The following PTPN14 variants were observed in gnomAD, a reference collection of about 807,000 sequenced individuals.
PTPN14 encodes the protein tyrosine-protein phosphatase non-receptor type 14.
Under a neutral mutation model 126.8 loss-of-function variants are expected in PTPN14, and 53 were observed. That is an observed-to-expected ratio of 0.42 (90% CI 0.34 to 0.53). PTPN14 has a LOEUF of 0.53. Ranked by LOEUF, PTPN14 falls within the 20% of genes least tolerant of loss-of-function variation. The pLI is 0.08. For missense variants in PTPN14, 1,257 were observed against 1,552.9 expected (o/e 0.81, Z 3.20); for synonymous variants, 630 against 599.3 (o/e 1.05, Z -0.75).
At chr1:214,394,561 C>A (rs543117121) in intron 9 of PTPN14, among the ~76,000 whole-genome samples, 1 of 152,136 alleles carries the variant, frequency 6.6e-6, no homozygotes, top group Middle Eastern at 3.2e-3. Flanking sequence ...GTGCCCACCA[C>A]CATGCTTGGG....
intron 3 of PTPN14, among the ~76,000 whole-genome samples, chr1:214,442,375 G>T (rs1660053663): frequency 6.6e-6 from 1 of 152,162 alleles, no homozygotes. Flanking sequence ...TATAGATTTT[G>T]AATTTTTGAA....
At chr1:214,527,058 T>A (rs554585824) in intron 1 of PTPN14, among the ~76,000 whole-genome samples, 74 of 149,944 alleles carry the variant, frequency 4.9e-4, no homozygotes, top group Non-Finnish European at 9.0e-4. Context: ...GTCATTGCAC[T>A]CCAGCCTGGG....
chr1:214,398,087 A>T, intron 7 of PTPN14, 86 bp from the exon 8 acceptor site: 1 of 1,075,168 alleles, frequency 9.3e-7, no homozygotes, highest in Admixed American at 1.8e-5. Context: ...AATCGACCTG[A>T]GTGTCCATCC....
chr1:214,395,094 T>C, intron 8 of PTPN14, 108 bp from the exon 9 acceptor site: 1 of 927,412 alleles, frequency 1.1e-6, no homozygotes, highest in South Asian at 1.4e-5. Flanking sequence ...CAAACTATGA[T>C]TTAACTATTT....
chr1:214,408,620 T>C (rs1302622938), intron 5 of PTPN14, among the ~76,000 whole-genome samples: 1 of 152,138 alleles, frequency 6.6e-6, no homozygotes, highest in Non-Finnish European at 1.5e-5. Flanking sequence ...TAGCTGACAA[T>C]AATAAATACA....
At chr1:214,515,605 T>C (rs1404641383) in intron 1 of PTPN14, among the ~76,000 whole-genome samples, 2 of 152,232 alleles carry the variant, frequency 1.3e-5, no homozygotes, top group Non-Finnish European at 2.9e-5. Context: ...GGAATATCTT[T>C]TCATTTATTT....
At chr1:214,495,663 TTTTATTTA>T (rs869249183) in intron 1 of PTPN14, among the ~76,000 whole-genome samples, 57 of 3,634 alleles carry the variant, frequency 0.016, no homozygotes, top group African/African-American at 0.049. Context: ...ATTTTATTTT[TTTTATTTA>T]TTTATTTATT....
At chr1:214,543,776 G>A (rs1021343417) in intron 1 of PTPN14, among the ~76,000 whole-genome samples, 1 of 151,968 alleles carries the variant, frequency 6.6e-6, no homozygotes, top group African/African-American at 2.4e-5. Flanking sequence ...ACGCCACCAT[G>A]CCCAGCTAAT....
intron 9 of PTPN14, among the ~76,000 whole-genome samples, chr1:214,394,348 T>C (rs758603133): frequency 1.3e-5 from 2 of 152,174 alleles, no homozygotes; most frequent in African/African-American, 2.4e-5. Flanking sequence ...CATAAGGCAG[T>C]TGGAGGGACC....
At chr1:214,376,049 G>A (rs1436719468) in intron 15 of PTPN14, among the ~76,000 whole-genome samples, 170 bp downstream of exon 15, 5 of 152,138 alleles carry the variant, frequency 3.3e-5, no homozygotes, top group African/African-American at 1.2e-4. Flanking sequence ...TGCAGTGATA[G>A]ACATGCCCTT....
intron 1 of PTPN14, among the ~76,000 whole-genome samples, chr1:214,490,718 T>C (rs572914770): frequency 6.6e-6 from 1 of 150,644 alleles, no homozygotes; most frequent in South Asian, 2.1e-4. Flanking sequence ...GCGCCTGTAA[T>C]CCCAGCTACT....
At chr1:214,423,633 C>T (rs1390739530) in intron 3 of PTPN14, among the ~76,000 whole-genome samples, 3 of 152,214 alleles carry the variant, frequency 2.0e-5, no homozygotes, top group Non-Finnish European at 4.4e-5. Flanking sequence ...CCCTACTCAC[C>T]CCATGCTCTC....
rs1446165836 is a variant in PTPN14 at position 214,351,271 on chromosome 1, G to A, written c.*6651C>T. 6 of 138,976 alleles carry A rather than the reference G, an allele frequency of 4.3e-5. No homozygotes were observed. Among genetic ancestry groups the A allele is most frequent in the Admixed American group, 2.3e-4 (3 of 12,940 alleles). The allele number at this position is 138,976 out of a possible 1,614,324, so 8.6% of individuals were successfully genotyped here. Reference sequence around the variant, plus strand: ...GCACTCCAGCCTGCGCAACAGGAGTGAGACACGATCTCAAAAACTAAAAAA... The same window carrying A: ...GCACTCCAGCCTGCGCAACAGGAGTAAGACACGATCTCAAAAACTAAAAAA... On this transcript the variant is annotated 3_prime_UTR_variant, in exon 19 of 19. Transcript: ENST00000366956.
chr1:214,444,748 C>T (rs1660106693), intron 3 of PTPN14, among the ~76,000 whole-genome samples: 1 of 152,184 alleles, frequency 6.6e-6, no homozygotes, highest in Admixed American at 6.5e-5. Flanking sequence ...GAGAGACACA[C>T]ACATGCACAC....
intron 18 of PTPN14, among the ~76,000 whole-genome samples, chr1:214,360,418 C>T (rs1426016410): frequency 6.6e-6 from 1 of 152,164 alleles, no homozygotes; most frequent in African/African-American, 2.4e-5. Flanking sequence ...AATCTTCGAA[C>T]TATGAATCAA....
intron 13 of PTPN14, among the ~76,000 whole-genome samples, chr1:214,380,559 C>T (rs914705567): frequency 1.3e-5 from 2 of 152,196 alleles, no homozygotes; most frequent in African/African-American, 2.4e-5. Flanking sequence ...ATAAAAGCGG[C>T]GGAACCATCC....
At chr1:214,408,141 G>A (rs4604670) in intron 5 of PTPN14, among the ~76,000 whole-genome samples, 14,547 of 152,110 alleles carry the variant, frequency 0.096, 901 homozygotes, top group Middle Eastern at 0.14. Flanking sequence ...TATCACACTT[G>A]GCTTTTTATT....
chr1:214,374,513 C>A (rs3002304), intron 15 of PTPN14, among the ~76,000 whole-genome samples: 1,719 of 152,310 alleles, frequency 0.011, 26 homozygotes, highest in African/African-American at 0.035. Flanking sequence ...TTAAAAACTG[C>A]ATTAAAAACA....
chr1:214,439,800 C>A (rs955438972), intron 3 of PTPN14, among the ~76,000 whole-genome samples: 3 of 152,190 alleles, frequency 2.0e-5, no homozygotes, highest in African/African-American at 7.2e-5. Flanking sequence ...TCAGTGTCAT[C>A]TGAAAGCTTG....
Sources: allele counts gnomAD v4.1 joint callset (sites outside exome capture counted in the v4.1 genomes callset), GRCh38; gene constraint gnomAD v4.1.1; transcripts MANE v1.5; gene names NCBI Gene and HGNC (gene_info 2026-07-23, HGNC 2026-07-21).